Variants in FGF7 observed in about 807,000 individuals in gnomAD.
FGF7 encodes FGF-7.
A neutral mutation model predicts 20.5 loss-of-function variants in FGF7; 6 were observed. That is an observed-to-expected ratio of 0.29 (90% CI 0.16 to 0.58). The LOEUF (loss-of-function observed/expected upper bound fraction) is 0.58. Ranked by LOEUF, FGF7 falls within the 20% of genes least tolerant of loss-of-function variation. The pLI is 0.90. For missense variants in FGF7, 144 were observed against 228.8 expected (o/e 0.63, Z 2.39); for synonymous variants, 64 against 74.7 (o/e 0.86, Z 0.74).
At chr15:49,471,036 A>G (rs184327425) in intron 2 of FGF7, among the ~76,000 whole-genome samples, 63 of 152,312 alleles carry the variant, frequency 4.1e-4, no homozygotes, top group African/African-American at 1.4e-3. Flanking sequence ...TCTTGAGTAG[A>G]TGTGAAAGTG....
chr15:49,452,112 G>A (rs1311723193), intron 2 of FGF7, among the ~76,000 whole-genome samples: 2 of 151,920 alleles, frequency 1.3e-5, no homozygotes, highest in Non-Finnish European at 2.9e-5. Context: ...CATGGTCTTG[G>A]CTCACTGCAG....
intron 2 of FGF7, among the ~76,000 whole-genome samples, chr15:49,441,561 A>G (rs953529551): frequency 2.0e-5 from 3 of 151,708 alleles, no homozygotes; most frequent in African/African-American, 7.2e-5. Flanking sequence ...AAGATTAGTT[A>G]GGATTTCCAT....
intron 2 of FGF7, among the ~76,000 whole-genome samples, chr15:49,458,818 T>G (rs1164343646): frequency 6.6e-6 from 1 of 152,172 alleles, no homozygotes; most frequent in Non-Finnish European, 1.5e-5. Context: ...AAATAAGTCT[T>G]GCAGATGAAT....
chr15:49,457,529 A>G (rs11639071), intron 2 of FGF7, among the ~76,000 whole-genome samples: 57,291 of 151,474 alleles, frequency 0.38, 11,007 homozygotes, highest in Non-Finnish European at 0.42. Flanking sequence ...AACATTTTAT[A>G]AGTAACTACA....
intron 2 of FGF7, among the ~76,000 whole-genome samples, chr15:49,431,446 A>C (rs2050611072): frequency 6.6e-6 from 1 of 151,832 alleles, no homozygotes; most frequent in Admixed American, 6.6e-5. Flanking sequence ...AGACAAAGTG[A>C]TTAAGATGGG....
intron 2 of FGF7, among the ~76,000 whole-genome samples, chr15:49,431,556 G>A (rs1350006401): frequency 1.3e-5 from 2 of 151,760 alleles, no homozygotes; most frequent in South Asian, 2.1e-4. Flanking sequence ...TGTATACTGG[G>A]GAGAATTGGC....
intron 2 of FGF7, among the ~76,000 whole-genome samples, chr15:49,431,258 G>A (rs11855798): frequency 1.3e-5 from 2 of 151,538 alleles, no homozygotes; most frequent in Non-Finnish European, 3.0e-5. Context: ...ACATGATTTG[G>A]AAAATTGTGT....
At chr15:49,435,002 TTGTG>T (rs1202393267) in intron 2 of FGF7, among the ~76,000 whole-genome samples, 2 of 151,596 alleles carry the variant, frequency 1.3e-5, no homozygotes, top group East Asian at 1.9e-4. Flanking sequence ...AAACAGTATG[TTGTG>T]TGTATTTTAC....
At chr15:49,438,491 G>C (rs2051315060) in intron 2 of FGF7, among the ~76,000 whole-genome samples, 1 of 151,600 alleles carries the variant, frequency 6.6e-6, no homozygotes, top group African/African-American at 2.4e-5. Context: ...AAGTAGGCTA[G>C]AAAATTCACC....
chr15:49,477,442 T>A (rs563733487), intron 2 of FGF7, among the ~76,000 whole-genome samples: 2 of 152,352 alleles, frequency 1.3e-5, no homozygotes, highest in East Asian at 3.9e-4. Context: ...TATGTGGCTT[T>A]TTCAGACTGG....
At position 49,476,403 on chromosome 15, in the gene FGF7, C is replaced by T. The variant is rs1411958332; in HGVS notation, c.287-6748C>T. Among the ~76,000 whole-genome samples the T allele has an allele frequency of 5.3e-5, 8 of 151,792 alleles. No homozygotes were observed. In the South Asian group the frequency reaches 1.0e-3, roughly 20 times the overall value. Reference sequence around the variant, plus strand: ...CTAAAATATTACTGGCTCTTGTTTTCCATTCCCAAACACCTGAGAGATACT... The same window carrying T: ...CTAAAATATTACTGGCTCTTGTTTTTCATTCCCAAACACCTGAGAGATACT... On this transcript the variant is annotated intron_variant, in intron 2 of 3. Coordinates refer to ENST00000267843, the MANE Select transcript of FGF7 (RefSeq NM_002009.4).
At chr15:49,477,717 T>C (rs2055481148) in intron 2 of FGF7, among the ~76,000 whole-genome samples, 1 of 152,214 alleles carries the variant, frequency 6.6e-6, no homozygotes, top group Non-Finnish European at 1.5e-5. Flanking sequence ...CTGGATTATA[T>C]AGTAAGAGTA....
chr15:49,457,327 C>T (rs1330590764), intron 2 of FGF7, among the ~76,000 whole-genome samples: 1 of 151,794 alleles, frequency 6.6e-6, no homozygotes, highest in Non-Finnish European at 1.5e-5. Context: ...TGTAAACTAC[C>T]CTGTAGGTGG....
chr15:49,468,436 T>A (rs916733483), intron 2 of FGF7, among the ~76,000 whole-genome samples: 5 of 152,200 alleles, frequency 3.3e-5, no homozygotes, highest in African/African-American at 1.2e-4. Context: ...GTTTTCTAAT[T>A]TCTTTTAGTG....
At chr15:49,438,346 C>A (rs78333800) in intron 2 of FGF7, among the ~76,000 whole-genome samples, 3,564 of 151,774 alleles carry the variant, frequency 0.023, 91 homozygotes, top group South Asian at 0.13. Context: ...TTACCAAATC[C>A]TCTTACCAGA....
chr15:49,450,989 G>T (rs2052671962), intron 2 of FGF7, among the ~76,000 whole-genome samples: 1 of 152,052 alleles, frequency 6.6e-6, no homozygotes, highest in African/African-American at 2.4e-5. Flanking sequence ...CCTGGTCAGT[G>T]CCATCTGTAT....
chr15:49,471,578 T>C (rs2054771540), intron 2 of FGF7, among the ~76,000 whole-genome samples: 2 of 151,326 alleles, frequency 1.3e-5, no homozygotes, highest in Admixed American at 6.6e-5. Context: ...ATGACAGATA[T>C]GTAGAGTACT....
At chr15:49,444,473 CAAAG>C (rs986520799) in intron 2 of FGF7, among the ~76,000 whole-genome samples, 2 of 151,580 alleles carry the variant, frequency 1.3e-5, no homozygotes, top group African/African-American at 4.8e-5. Flanking sequence ...AGTAAGTAGA[CAAAG>C]AAATAACATT....
intron 2 of FGF7, among the ~76,000 whole-genome samples, chr15:49,461,325 C>T (rs2053777395): frequency 6.6e-6 from 1 of 152,176 alleles, no homozygotes; most frequent in Non-Finnish European, 1.5e-5. Flanking sequence ...AATCCATGCA[C>T]AATGTTAGAT....
Sources: allele counts gnomAD v4.1 joint callset (sites outside exome capture counted in the v4.1 genomes callset), GRCh38; gene constraint gnomAD v4.1.1; transcripts MANE v1.5; gene names NCBI Gene and HGNC (gene_info 2026-07-23, HGNC 2026-07-21).